BTBD9: variants seen among roughly 807,000 people sequenced by gnomAD.
The protein encoded by BTBD9 is BTB domain containing 9.
In BTBD9, 49 loss-of-function variants were observed where a neutral mutation model predicts 64.3. The ratio of observed to expected loss-of-function variants is 0.76; its 90% CI spans 0.61 to 0.97. The LOEUF (loss-of-function observed/expected upper bound fraction) is 0.97, where lower values mean the gene tolerates loss of function less well. BTBD9 is among the 50% of genes least tolerant of loss of function. The pLI is 0.00. For synonymous variants in BTBD9, 260 were observed against 274.7 expected, an observed-to-expected ratio of 0.95 and a Z score of 0.53; for missense variants, 598 against 762.1, an observed-to-expected ratio of 0.78 and a Z score of 2.53.
chr6:38,557,413 C>T (rs1243309592), intron 6 of BTBD9, among the ~76,000 whole-genome samples: 4 of 152,122 alleles, frequency 2.6e-5, no homozygotes, highest in Admixed American at 1.3e-4. Flanking sequence ...TCAGTCCCAG[C>T]GGTTATGTTC....
intron 1 of BTBD9, among the ~76,000 whole-genome samples, chr6:38,598,635 G>A (rs1013151551): frequency 6.6e-6 from 1 of 151,968 alleles, no homozygotes; most frequent in Non-Finnish European, 1.5e-5. Flanking sequence ...AAATCTTCTG[G>A]GGCCAGGCAC....
At chr6:38,206,354 C>T (rs1371468470) in intron 9 of BTBD9, among the ~76,000 whole-genome samples, 1 of 151,852 alleles carries the variant, frequency 6.6e-6, no homozygotes, top group Non-Finnish European at 1.5e-5. Flanking sequence ...CAATTCTCTG[C>T]CTCAGCCTCC....
intron 9 of BTBD9, among the ~76,000 whole-genome samples, chr6:38,222,409 C>T (rs546876245): frequency 1.3e-4 from 20 of 151,630 alleles, no homozygotes; most frequent in African/African-American, 3.4e-4. Context: ...TACAGGTGCC[C>T]GCCACCATGC....
chr6:38,416,933 T>C (rs1374692072), intron 6 of BTBD9, among the ~76,000 whole-genome samples: 1 of 152,114 alleles, frequency 6.6e-6, no homozygotes, highest in Non-Finnish European at 1.5e-5. Context: ...GGTTTTGTTT[T>C]GTTTTGTTGT....
At chr6:38,401,581 AC>A (rs1766929162) in intron 6 of BTBD9, among the ~76,000 whole-genome samples, 1 of 152,208 alleles carries the variant, frequency 6.6e-6, no homozygotes, top group South Asian at 2.1e-4. Flanking sequence ...GAAATGATCA[AC>A]CCTGGTAAAG....
chr6:38,360,453 C>G (rs1339018969), intron 6 of BTBD9, among the ~76,000 whole-genome samples: 2 of 151,862 alleles, frequency 1.3e-5, no homozygotes, highest in Non-Finnish European at 2.9e-5. Flanking sequence ...TAAAAAAGGT[C>G]CCCTCTTTTA....
At chr6:38,465,833 C>CTTT in intron 6 of BTBD9, among the ~76,000 whole-genome samples, 3 of 70,308 alleles carry the variant, frequency 4.3e-5, no homozygotes, top group Non-Finnish European at 5.7e-5. Context: ...TTTCTTTTTT[C>CTTT]CTTTTTTTTT....
At chr6:38,446,275 T>C (rs1212422892) in intron 6 of BTBD9, among the ~76,000 whole-genome samples, 3 of 152,144 alleles carry the variant, frequency 2.0e-5, no homozygotes, top group South Asian at 4.1e-4. Flanking sequence ...ACTTCTGCCA[T>C]GTAGCATAGG....
chr6:38,427,934 G>C (rs1768248877), intron 6 of BTBD9, among the ~76,000 whole-genome samples: 1 of 151,986 alleles, frequency 6.6e-6, no homozygotes, highest in Non-Finnish European at 1.5e-5. Flanking sequence ...CTCCTGAACA[G>C]TGTAATGTTT....
At chr6:38,332,944 T>C (rs934644589) in intron 7 of BTBD9, among the ~76,000 whole-genome samples, 2 of 152,208 alleles carry the variant, frequency 1.3e-5, no homozygotes, top group African/African-American at 4.8e-5. Context: ...GCAGATCTCC[T>C]TGTCATGCTT....
intron 8 of BTBD9, among the ~76,000 whole-genome samples, chr6:38,284,965 G>A (rs1267662538): frequency 6.8e-6 from 1 of 146,692 alleles, no homozygotes; most frequent in Non-Finnish European, 1.5e-5. Flanking sequence ...TGGATAGGCT[G>A]TGACAGAGTC....
chr6:38,321,956 G>A (rs1241886227), intron 7 of BTBD9, among the ~76,000 whole-genome samples: 1 of 151,412 alleles, frequency 6.6e-6, no homozygotes, highest in Non-Finnish European at 1.5e-5. Context: ...AACTTACACT[G>A]CTCTTCTGCT....
At position 38,330,869 on chromosome 6, in the gene BTBD9, C is replaced by G. The variant is rs1217561545; in HGVS notation, c.1264+14115G>C. ...AGTTAAACCTCTACCTCAGACCAAACACAAAAGAAATGTTAAATGGAGTAA... is the reference window on the plus strand; with the variant it reads ...AGTTAAACCTCTACCTCAGACCAAAGACAAAAGAAATGTTAAATGGAGTAA... On this transcript the variant is annotated intron_variant, in intron 7 of 10. Transcript: ENST00000481247. Among the ~76,000 whole-genome samples, 7 of 152,154 alleles carry G rather than the reference C, an allele frequency of 4.6e-5. 1 individual carries two copies.
chr6:38,621,368 T>C (rs920800650), intron 1 of BTBD9, among the ~76,000 whole-genome samples: 2 of 152,204 alleles, frequency 1.3e-5, no homozygotes, highest in Non-Finnish European at 2.9e-5. Context: ...CAACAAATTG[T>C]AGCCCAGACT....
chr6:38,236,797 G>A (rs1161629049), intron 9 of BTBD9, among the ~76,000 whole-genome samples: 1 of 152,210 alleles, frequency 6.6e-6, no homozygotes, highest in East Asian at 1.9e-4. Flanking sequence ...AGTGGATTCA[G>A]TTCCGCATGC....
chr6:38,352,343 C>T (rs966194611), intron 6 of BTBD9, among the ~76,000 whole-genome samples: 1 of 151,430 alleles, frequency 6.6e-6, no homozygotes, highest in Admixed American at 6.6e-5. Flanking sequence ...TACTACTGCA[C>T]TCCAGCCTGG....
chr6:38,599,278 G>A (rs1366485842), intron 1 of BTBD9, among the ~76,000 whole-genome samples: 4 of 152,022 alleles, frequency 2.6e-5, no homozygotes, highest in Admixed American at 6.6e-5. Context: ...TTTTAATACC[G>A]AATGTACTTG....
intron 7 of BTBD9, among the ~76,000 whole-genome samples, chr6:38,302,694 AT>A (rs1762462915): frequency 2.0e-5 from 3 of 151,590 alleles, no homozygotes; most frequent in Admixed American, 2.0e-4. Flanking sequence ...ATGGTAGTTT[AT>A]TTTTAGTTTT....
Position 38,580,423 on chromosome 6 carries a change from T to C in BTBD9, c.829A>G (p.Ile277Val). ...YRGMLIPEENIATMKYGAQVV... is the reference protein window; with the variant it reads ...YRGMLIPEENVATMKYGAQVV... ...TGGGCTCCATACTTCATAGTTGCAA[T>C]GTTTTCTTCTGGTACTACAGTTAAA... Residue 277 changes from isoleucine (I) to valine (V), a missense_variant, in exon 5 of 11, where the codon ATT becomes GTT. Coordinates refer to ENST00000481247, the MANE Select transcript of BTBD9 (RefSeq NM_001099272.2). 1 of 1,613,846 alleles carries C rather than the reference T, an allele frequency of 6.2e-7. No homozygotes were observed. The highest frequency in any genetic ancestry group is 1.6e-4 in the Middle Eastern group (1 of 6,062).
Sources: gnomAD v4.1 joint callset for allele counts (sites outside exome capture counted in the v4.1 genomes callset) on GRCh38, gnomAD v4.1.1 for gene constraint, MANE v1.5 for transcripts, NCBI Gene and HGNC (gene_info 2026-07-23, HGNC 2026-07-21) for gene names.